The following BCL2 variants were observed in gnomAD, a reference collection of about 807,000 sequenced individuals.
BCL2 encodes apoptosis regulator Bcl-2.
In BCL2, 1 loss-of-function variant was observed where a neutral mutation model predicts 14.2. That is an observed-to-expected ratio of 0.07 (90% CI 0.02 to 0.33). The LOEUF is 0.33. Ranked by LOEUF, BCL2 falls within the 10% of genes least tolerant of loss-of-function variation. The probability of loss-of-function intolerance (pLI) is 0.99; values close to 1 mark genes in which losing one functional copy is unlikely to be tolerated. For missense variants in BCL2, 247 were observed against 305.9 expected (o/e 0.81, Z 1.44); for synonymous variants, 151 against 137.2 (o/e 1.10, Z -0.70).
intron 2 of BCL2, among the ~76,000 whole-genome samples, chr18:63,259,575 C>T (rs561963029): frequency 2.0e-4 from 30 of 152,366 alleles, no homozygotes; most frequent in South Asian, 1.2e-3. Context: ...AAGGGGAAAC[C>T]GTTTGCTTTT....
chr18:63,236,752 G>A (rs1037751150), intron 2 of BCL2, among the ~76,000 whole-genome samples: 2 of 152,126 alleles, frequency 1.3e-5, no homozygotes, highest in African/African-American at 4.8e-5. Context: ...CTCCGTTCCA[G>A]CATGATTTCG....
intron 2 of BCL2, chr18:63,317,423 C>A: frequency 7.4e-6 from 4 of 542,008 alleles, no homozygotes; most frequent in Non-Finnish European, 7.1e-6. Flanking sequence ...CACCTCATCA[C>A]GCCCACTGGG....
intron 2 of BCL2, among the ~76,000 whole-genome samples, chr18:63,180,688 TCC>T (rs1373468381): frequency 6.6e-6 from 1 of 152,082 alleles, no homozygotes; most frequent in Non-Finnish European, 1.5e-5. Flanking sequence ...ATAGGGGGTC[TCC>T]AGCCAATGCT....
chr18:63,172,786 C>T (rs1599224176), intron 2 of BCL2, among the ~76,000 whole-genome samples: 1 of 151,910 alleles, frequency 6.6e-6, no homozygotes. Context: ...GTCTCAAAAA[C>T]AAAAAACAAA....
intron 2 of BCL2, among the ~76,000 whole-genome samples, chr18:63,175,153 C>A (rs143281167): frequency 6.6e-6 from 1 of 152,174 alleles, no homozygotes. Context: ...TTTGGGCAAC[C>A]AAATCACTAG....
chr18:63,245,238 A>G (rs958963337), intron 2 of BCL2, among the ~76,000 whole-genome samples: 2 of 152,180 alleles, frequency 1.3e-5, no homozygotes, highest in African/African-American at 4.8e-5. Context: ...AGCTTCTTAA[A>G]CCAATTGAGC....
intron 2 of BCL2, among the ~76,000 whole-genome samples, chr18:63,181,590 C>T (rs1531695): frequency 0.59 from 89,203 of 152,056 alleles, 28,193 homozygotes; most frequent in Non-Finnish European, 0.72. Context: ...GCAGAGAGAA[C>T]GAAGTTATGG....
chr18:63,268,222 C>T (rs1448717480), intron 2 of BCL2, among the ~76,000 whole-genome samples: 1 of 152,184 alleles, frequency 6.6e-6, no homozygotes, highest in Non-Finnish European at 1.5e-5. Flanking sequence ...CTCATGAGTG[C>T]TGTCTAGATG....
intron 2 of BCL2, among the ~76,000 whole-genome samples, chr18:63,192,224 A>C (rs1363427828): frequency 6.6e-6 from 1 of 152,236 alleles, no homozygotes; most frequent in Non-Finnish European, 1.5e-5. Context: ...TTTGAAAGGC[A>C]AGAAGGAGCC....
At chr18:63,276,110 G>A (rs1475668244) in intron 2 of BCL2, among the ~76,000 whole-genome samples, 1 of 152,206 alleles carries the variant, frequency 6.6e-6, no homozygotes, top group Non-Finnish European at 1.5e-5. Flanking sequence ...TGGCTCTGGG[G>A]TAGAAAGACA....
chr18:63,268,385 G>C (rs1188880907), intron 2 of BCL2, among the ~76,000 whole-genome samples: 1 of 152,216 alleles, frequency 6.6e-6, no homozygotes, highest in Non-Finnish European at 1.5e-5. Flanking sequence ...CAAAAAAAGT[G>C]TGTTTAGGCA....
intron 2 of BCL2, among the ~76,000 whole-genome samples, chr18:63,300,484 G>A (rs769282767): frequency 1.6e-4 from 24 of 151,920 alleles, no homozygotes; most frequent in Non-Finnish European, 2.6e-4. Flanking sequence ...GTGTGTGTGT[G>A]TGTGTGTGTA....
chr18:63,180,044 A>T (rs1329985692), intron 2 of BCL2, among the ~76,000 whole-genome samples: 1 of 152,200 alleles, frequency 6.6e-6, no homozygotes, highest in African/African-American at 2.4e-5. Flanking sequence ...GCACATGGCC[A>T]TCTACGCAAT....
intron 2 of BCL2, among the ~76,000 whole-genome samples, chr18:63,254,008 T>C (rs905689706): frequency 1.4e-4 from 22 of 151,906 alleles, no homozygotes; most frequent in Admixed American, 5.9e-4. Context: ...ATAAAGTTAG[T>C]GTTTATTTTC....
In BCL2 at chr18:63,318,343, G is replaced by A. The variant is rs2144323180; in HGVS notation, c.324C>T (p.Tyr108=). ...TGGACATCTCGGCGAAGTCGCGGCGGTAGCGGCGGGAGAAGTCGTCGCCGG... is the reference window on the plus strand; with the variant it reads ...TGGACATCTCGGCGAAGTCGCGGCGATAGCGGCGGGAGAAGTCGTCGCCGG... ...RQAGDDFSRR[Y]RRDFAEMSSQ... The change falls in exon 2 of 3, where the codon TAC becomes TAT. Residue 108 remains tyrosine (Y), a synonymous_variant. Coordinates refer to ENST00000333681, the MANE Select transcript of BCL2 (RefSeq NM_000633.3). This position sits in a 1 kb window ranked among gnomAD's most constrained non-coding sequence, Gnocchi z 7.4. The A allele has an allele frequency of 1.9e-6, 3 of 1,611,602 alleles. No homozygotes were observed. The highest frequency in any genetic ancestry group is 2.5e-6 in the Non-Finnish European group (3 of 1,178,428).
intron 2 of BCL2, among the ~76,000 whole-genome samples, chr18:63,156,705 G>A (rs544348380): frequency 6.6e-6 from 1 of 152,306 alleles, no homozygotes; most frequent in East Asian, 1.9e-4. Flanking sequence ...AAGTCCAGAC[G>A]TTGTGGGTTG....
intron 2 of BCL2, among the ~76,000 whole-genome samples, chr18:63,236,869 T>C (rs1910850422): frequency 6.6e-6 from 1 of 152,180 alleles, no homozygotes; most frequent in Non-Finnish European, 1.5e-5. Context: ...TCTGGGCTCT[T>C]CTTGTTTAAA....
chr18:63,296,122 C>T (rs183033555), intron 2 of BCL2, among the ~76,000 whole-genome samples: 3 of 152,292 alleles, frequency 2.0e-5, no homozygotes, highest in Admixed American at 6.5e-5. Context: ...CACATGCACA[C>T]AGAAATACTT....
chr18:63,128,657 T>C lies in BCL2; in HGVS notation c.688A>G (p.Ile230Val), dbSNP rs750755544. 1.3e-6 allele frequency: 1 copy of C among 781,002 alleles called. No homozygotes were observed. Among genetic ancestry groups the C allele is most frequent in the Non-Finnish European group, 2.4e-6 (1 of 418,104 alleles). The allele number at this position is 781,002 out of a possible 1,614,324, so 48.4% of individuals were successfully genotyped here. A position where few individuals can be genotyped will look rare whatever the true frequency, so the allele number is the denominator to read the frequency against. ...TGGCCCAGATAGGCACCCAGGGTGA[T>C]GCAAGCTCCCACCAGGGCCAAACTG... The part of the protein sequence containing the change: ...LLSLALVGAC[I>V]TLGAYLGHK Residue 230 changes from isoleucine (I) to valine (V), a missense_variant, in exon 3 of 3, where the codon ATC (isoleucine) becomes GTC (valine). Around this residue, in one of 3 missense-constraint regions of BCL2, gnomAD observed 36 missense variants for 24.9 expected, o/e 1.45. Transcript: ENST00000333681.
Sources: allele counts gnomAD v4.1 joint callset (sites outside exome capture counted in the v4.1 genomes callset), GRCh38; gene constraint gnomAD v4.1.1; regional missense constraint gnomAD v4.1.1; non-coding constraint Gnocchi (gnomAD v3.1); transcripts MANE v1.5; gene names NCBI Gene and HGNC (gene_info 2026-07-23, HGNC 2026-07-21).